The following GPR152 variants were observed in gnomAD, a reference collection of about 807,000 sequenced individuals.
GPR152 encodes the protein probable G protein-coupled receptor 152.
For missense variants in GPR152, 549 were observed against 617.2 expected (o/e 0.89, Z 1.17); for synonymous variants, 278 against 289.0 (o/e 0.96, Z 0.39).
rs1416384347 is a variant in GPR152 at position 67,451,663 on chromosome 11, A to G, written c.1062T>C (p.Pro354=). 6.2e-7 allele frequency: 1 copy of G among 1,613,934 alleles called. No homozygotes were observed. Among genetic ancestry groups the G allele is most frequent in the East Asian group, 2.2e-5 (1 of 44,882 alleles). The change falls in exon 1 of 1, where the codon CCT becomes CCC. Residue 354 remains proline, a synonymous_variant. Coordinates refer to ENST00000312457, the MANE Select transcript of GPR152 (RefSeq NM_206997.1). ...TGGGGTTCACCTGAGGCTGGGCCACAGGATCCATCTGTGACTGGGCCTCTG... is the reference window on the plus strand; with the variant it reads ...TGGGGTTCACCTGAGGCTGGGCCACGGGATCCATCTGTGACTGGGCCTCTG... ...PMAEAQSQMD[P]VAQPQVNPTL... is the part of the protein sequence containing the mutation.
Position 67,452,583 on chromosome 11 carries a change from C to T in GPR152, c.142G>A (p.Gly48Arg). Reference sequence around the variant, plus strand: ...GAGCCGGCCAGCCACGCCATCAACCCATTGGCTGGCAGCCCAAGGAGCAGC... The same window carrying T: ...GAGCCGGCCAGCCACGCCATCAACCTATTGGCTGGCAGCCCAAGGAGCAGC... ...ALLLLGLPAN[G>R]LMAWLAGSQA... Residue 48 changes from glycine to arginine, a missense_variant, in exon 1 of 1, where the codon GGG (glycine) becomes AGG (arginine). Coordinates refer to ENST00000312457, the MANE Select transcript of GPR152 (RefSeq NM_206997.1). 6.2e-7 allele frequency: 1 copy of T among 1,611,672 alleles called. No individual in the cohort carries two copies. The highest frequency in any genetic ancestry group is 8.5e-7 in the Non-Finnish European group (1 of 1,179,158).
At position 67,451,691 on chromosome 11, in the gene GPR152, A is replaced by C. The variant is rs768677510; in HGVS notation, c.1034T>G (p.Met345Arg). Residue 345 changes from methionine (M) to arginine (R), a missense_variant, in exon 1 of 1, where the codon ATG becomes AGG. Coordinates refer to ENST00000312457, the MANE Select transcript of GPR152 (RefSeq NM_206997.1). ...DSEGPTLPEP[M>R]AEAQSQMDPV... ...ATCCATCTGTGACTGGGCCTCTGCC[A>C]TCGGCTCTGGCAGAGTTGGACCCTC... 2 of 1,613,756 alleles carry C rather than the reference A, an allele frequency of 1.2e-6. No homozygotes were observed. Among genetic ancestry groups the C allele is most frequent in the Non-Finnish European group, 1.7e-6 (2 of 1,180,042 alleles).
rs146027753 is a variant in GPR152 at position 67,451,533 on chromosome 11, G to C, written c.1192C>G (p.Pro398Ala). The change falls in exon 1 of 1, where the codon CCA (proline) becomes GCA (alanine). Residue 398 changes from proline (P) to alanine (A), a missense_variant. Coordinates refer to ENST00000312457, the MANE Select transcript of GPR152 (RefSeq NM_206997.1). Reference protein sequence around the residue: ...AQPQLNLMAQPQSDSVAQPQA... With the variant: ...AQPQLNLMAQAQSDSVAQPQA... ...GGCTGGGCCACAGAATCTGACTGTG[G>C]CTGGGCCATGAGGTTCAGCTGTGGC... is the stretch of plus-strand genomic sequence containing the variant. 4.8e-5 allele frequency: 78 copies of C among 1,613,814 alleles called. No individual in the cohort carries two copies. Among genetic ancestry groups the C allele is most frequent in the Non-Finnish European group, 6.4e-5 (75 of 1,179,940 alleles).
In GPR152 at chr11:67,452,275, CCA is replaced by C. The variant is rs1491250739; in HGVS notation, c.448_449del (p.Trp150GlyfsTer179). On this transcript the variant is annotated frameshift_variant, in exon 1 of 1. Transcript: ENST00000312457. LOFTEE classifies it low-confidence loss of function (END_TRUNC). ...PGHRPVRLPLWVCAGVWVLAT... is the reference protein window; with the variant it reads ...PGHRPVRLPLXVCAGVWVLAT... Reference sequence around the variant, plus strand: ...CCAGCACCCAGACACCGGCGCAGACCCAGAGGGGCAGGCGGACTGGGCGGTGC... The same window carrying C: ...CCAGCACCCAGACACCGGCGCAGACCGAGGGGCAGGCGGACTGGGCGGTGC... The C allele has an allele frequency of 6.2e-7, 1 of 1,611,334 alleles. No individual in the cohort carries two copies. Among genetic ancestry groups the C allele is most frequent in the East Asian group, 2.2e-5 (1 of 44,876 alleles).
chr11:67,452,629 G>C lies in GPR152; in HGVS notation c.96C>G (p.Asp32Glu). ...DEDSYPQGGW[D>E]TVFLVALLLL... ...GCAGCAGGGCCACCAGGAAGACCGT[G>C]TCCCAGCCACCTTGGGGGTAGGAGT... The change falls in exon 1 of 1, where the codon GAC becomes GAG. Residue 32 changes from aspartate (D) to glutamate (E), a missense_variant. Asp to Glu is a conservative substitution (Grantham distance 45). Coordinates refer to ENST00000312457, the MANE Select transcript of GPR152 (RefSeq NM_206997.1). 1 of 1,613,704 alleles carries C rather than the reference G, an allele frequency of 6.2e-7. No homozygotes were observed. The highest frequency in any genetic ancestry group is 8.5e-7 in the Non-Finnish European group (1 of 1,179,846).
At position 67,451,783 on chromosome 11, in the gene GPR152, C is replaced by A. The variant is rs540390007; in HGVS notation, c.942G>T (p.Ala314=). ...CCGGCCGCTCCTCGCAGAGAGCTGCCGCGAAGGACGAGAGCACGGAGCGCA... is the reference window on the plus strand; with the variant it reads ...CCGGCCGCTCCTCGCAGAGAGCTGCAGCGAAGGACGAGAGCACGGAGCGCA... The part of the protein sequence containing the change: ...TLLRSVLSSF[A]AALCEERPGS... Residue 314 remains alanine (A), a synonymous_variant, in exon 1 of 1, where the codon GCG becomes GCT. Transcript: ENST00000312457. The A allele has an allele frequency of 6.2e-7, 1 of 1,613,270 alleles. No homozygotes were observed. Among genetic ancestry groups the A allele is most frequent in the Admixed American group, 1.7e-5 (1 of 60,036 alleles).
Position 67,451,513 on chromosome 11 carries a change from G to A in GPR152, c.1212C>T (p.Ala404=). The A allele has an allele frequency of 6.2e-7, 1 of 1,612,646 alleles. No individual in the cohort carries two copies. The highest frequency in any genetic ancestry group is 8.5e-7 in the Non-Finnish European group (1 of 1,178,702). Residue 404 remains alanine (A), a synonymous_variant, in exon 1 of 1, where the codon GCC becomes GCT. Coordinates refer to ENST00000312457, the MANE Select transcript of GPR152 (RefSeq NM_206997.1). The stretch of plus-strand genomic sequence containing the variant: ...GGACGTTAGTGTCTGCCTGTGGCTG[G>A]GCCACAGAATCTGACTGTGGCTGGG... ...LMAQPQSDSV[A]QPQADTNVQT...
chr11:67,451,850 G>T lies in GPR152; in HGVS notation c.875C>A (p.Pro292His). The change falls in exon 1 of 1, where the codon CCC (proline) becomes CAC (histidine). Residue 292 changes from proline to histidine, a missense_variant. Physicochemically the swap from Pro to His is moderately conservative, Grantham distance 77 (BLOSUM62 -2). Transcript: ENST00000312457. ...GGCACTGGCCATGAGGCAGAGGAAGGGGCTGAGGCAGCTGTTGAGTAGGAT... is the reference window on the plus strand; with the variant it reads ...GGCACTGGCCATGAGGCAGAGGAAGTGGCTGAGGCAGCTGTTGAGTAGGAT... Reference protein sequence around the residue: ...YLILLNSCLSPFLCLMASADL... With the variant: ...YLILLNSCLSHFLCLMASADL... 6.2e-7 allele frequency: 1 copy of T among 1,613,108 alleles called. No homozygotes were observed. Among genetic ancestry groups the T allele is most frequent in the Non-Finnish European group, 8.5e-7 (1 of 1,179,980 alleles).
At position 67,452,387 on chromosome 11, in the gene GPR152, A is replaced by G; in HGVS notation, c.338T>C (p.Val113Ala). The G allele has an allele frequency of 1.9e-5, 30 of 1,612,780 alleles. No individual in the cohort carries two copies. The highest frequency in any genetic ancestry group is 2.4e-5 in the Non-Finnish European group (28 of 1,179,896). Residue 113 changes from valine (V) to alanine (A), a missense_variant, in exon 1 of 1, where the codon GTG (valine) becomes GCG (alanine). Transcript: ENST00000312457. The stretch of plus-strand genomic sequence containing the variant: ...CAGGAAGAGGCCGGAGGAGTAGGAC[A>G]CGCCCCATAGGAAGTAGTAGAAGCG... ...ACRFYYFLWGVSYSSGLFLLA... is the reference protein window; with the variant it reads ...ACRFYYFLWGASYSSGLFLLA...
chr11:67,452,124 C>T lies in GPR152; in HGVS notation c.601G>A (p.Gly201Ser). The change falls in exon 1 of 1, where the codon GGC becomes AGC. Residue 201 changes from glycine (G) to serine (S), a missense_variant. Physicochemically the swap from Gly to Ser is moderately conservative, Grantham distance 56. Coordinates refer to ENST00000312457, the MANE Select transcript of GPR152 (RefSeq NM_206997.1). The stretch of plus-strand genomic sequence containing the variant: ...AGCAGCAGGAGGAAAGGCAGGAAGC[C>T]CCCCAGGACCTCCAGCATCCTCAGC... The part of the protein sequence containing the change: ...LSLRMLEVLG[G>S]FLPFLLLLVC... 1 of 1,611,556 alleles carries T rather than the reference C, an allele frequency of 6.2e-7. No individual in the cohort carries two copies. Among genetic ancestry groups the T allele is most frequent in the South Asian group, 1.1e-5 (1 of 90,964 alleles).
rs1480457020 is a variant in GPR152 at position 67,452,126 on chromosome 11, C to T, written c.599G>A (p.Gly200Glu). Reference protein sequence around the residue: ...ELSLRMLEVLGGFLPFLLLLV... With the variant: ...ELSLRMLEVLEGFLPFLLLLV... ...CAGCAGGAGGAAAGGCAGGAAGCCC[C>T]CCAGGACCTCCAGCATCCTCAGCGA... Residue 200 changes from glycine (G) to glutamate (E), a missense_variant, in exon 1 of 1, where the codon GGG (glycine) becomes GAG (glutamate). Physicochemically the swap from Gly to Glu is moderately conservative, Grantham distance 98 (BLOSUM62 -2). Coordinates refer to ENST00000312457, the MANE Select transcript of GPR152 (RefSeq NM_206997.1). 1.2e-6 allele frequency: 2 copies of T among 1,611,512 alleles called. No homozygotes were observed. Among genetic ancestry groups the T allele is most frequent in the Non-Finnish European group, 1.7e-6 (2 of 1,179,896 alleles).
At position 67,452,355 on chromosome 11, in the gene GPR152, C is replaced by G; in HGVS notation, c.370G>C (p.Ala124Pro). 1 of 1,611,816 alleles carries G rather than the reference C, an allele frequency of 6.2e-7. No individual in the cohort carries two copies. The highest frequency in any genetic ancestry group is 8.5e-7 in the Non-Finnish European group (1 of 1,179,578). The change falls in exon 1 of 1, where the codon GCC becomes CCC. Residue 124 changes from alanine (A) to proline (P), a missense_variant. Coordinates refer to ENST00000312457, the MANE Select transcript of GPR152 (RefSeq NM_206997.1). ...SYSSGLFLLA[A>P]LSLDRCLLAL... ...AGCAGGCAGCGGTCGAGGCTGAGGGCGGCCAGCAGGAAGAGGCCGGAGGAG... is the reference window on the plus strand; with the variant it reads ...AGCAGGCAGCGGTCGAGGCTGAGGGGGGCCAGCAGGAAGAGGCCGGAGGAG...
In GPR152 at chr11:67,452,003, G is replaced by T; in HGVS notation, c.722C>A (p.Thr241Asn). ...CAGGACCACATAGGCTGACAGAATG[G>T]TCCTGGCCACACGGGCGAAGCCCCG... ...ACRGFARVAR[T>N]ILSAYVVLRL... Residue 241 changes from threonine (T) to asparagine (N), a missense_variant, in exon 1 of 1, where the codon ACC (threonine) becomes AAC (asparagine). Coordinates refer to ENST00000312457, the MANE Select transcript of GPR152 (RefSeq NM_206997.1). The T allele has an allele frequency of 6.2e-7, 1 of 1,611,968 alleles. No individual in the cohort carries two copies. The highest frequency in any genetic ancestry group is 2.2e-5 in the East Asian group (1 of 44,878).
At position 67,451,466 on chromosome 11, in the gene GPR152, C is replaced by T; in HGVS notation, c.1259G>A (p.Ser420Asn). ...TNVQTPAPAA[S>N]SVPSPCDEAS... ...TTCATCACAGGGACTGGGCACAGAA[C>T]TGGCAGCAGGTGCAGGGGTCTGGAC... is the stretch of plus-strand genomic sequence containing the variant. Residue 420 changes from serine (S) to asparagine (N), a missense_variant, in exon 1 of 1, where the codon AGT becomes AAT. Coordinates refer to ENST00000312457, the MANE Select transcript of GPR152 (RefSeq NM_206997.1). 6.2e-7 allele frequency: 1 copy of T among 1,614,148 alleles called. No homozygotes were observed. Among genetic ancestry groups the T allele is most frequent in the South Asian group, 1.1e-5 (1 of 91,088 alleles).
rs750112029 is a variant in GPR152, at chr11:67,452,399, AAGT to A, written c.323_325del (p.Tyr108del). 3.0e-5 allele frequency: 48 copies of A among 1,612,700 alleles called. No individual in the cohort carries two copies. The highest frequency in any genetic ancestry group is 4.0e-5 in the Non-Finnish European group (47 of 1,179,916). ...GGAGGAGTAGGACACGCCCCATAGGAAGTAGTAGAAGCGGCAGGCAGCTGTCCC... is the reference window on the plus strand; with the variant it reads ...GGAGGAGTAGGACACGCCCCATAGGAAGTAGAAGCGGCAGGCAGCTGTCCC... On this transcript the variant is annotated inframe_deletion, in exon 1 of 1. Transcript: ENST00000312457.
rs755836893 is a variant in GPR152 at position 67,451,762 on chromosome 11, C to A, written c.963G>T (p.Arg321=). Residue 321 remains arginine, a synonymous_variant, in exon 1 of 1, where the codon CGG becomes CGT. Coordinates refer to ENST00000312457, the MANE Select transcript of GPR152 (RefSeq NM_206997.1). ...GCTCAGTGGGCGTGAAGCTGCCCGGCCGCTCCTCGCAGAGAGCTGCCGCGA... is the reference window on the plus strand; with the variant it reads ...GCTCAGTGGGCGTGAAGCTGCCCGGACGCTCCTCGCAGAGAGCTGCCGCGA... The part of the protein sequence containing the change: ...SSFAAALCEE[R]PGSFTPTEPQ... 2 of 1,613,246 alleles carry A rather than the reference C, an allele frequency of 1.2e-6. No individual in the cohort carries two copies. The highest frequency in any genetic ancestry group is 1.7e-6 in the Non-Finnish European group (2 of 1,180,034).
Position 67,452,379 on chromosome 11 carries a change from A to G in GPR152, c.346T>C (p.Ser116Pro), listed in dbSNP as rs745757748. ...GCGGCCAGCAGGAAGAGGCCGGAGGAGTAGGACACGCCCCATAGGAAGTAG... is the reference window on the plus strand; with the variant it reads ...GCGGCCAGCAGGAAGAGGCCGGAGGGGTAGGACACGCCCCATAGGAAGTAG... ...FYYFLWGVSY[S>P]SGLFLLAALS... The change falls in exon 1 of 1, where the codon TCC becomes CCC. Residue 116 changes from serine (S) to proline (P), a missense_variant. Physicochemically the swap from Ser to Pro is moderately conservative, Grantham distance 74 (BLOSUM62 -1). Coordinates refer to ENST00000312457, the MANE Select transcript of GPR152 (RefSeq NM_206997.1). 4 of 1,612,670 alleles carry G rather than the reference A, an allele frequency of 2.5e-6. No individual in the cohort carries two copies. Among genetic ancestry groups the G allele is most frequent in the Non-Finnish European group, 3.4e-6 (4 of 1,179,846 alleles).
In GPR152 at chr11:67,452,134, C is replaced by T; in HGVS notation, c.591G>A (p.Glu197=). The stretch of plus-strand genomic sequence containing the variant: ...GGAAAGGCAGGAAGCCCCCCAGGAC[C>T]TCCAGCATCCTCAGCGACAGCTCCT... ...DSEELSLRML[E]VLGGFLPFLL... The change falls in exon 1 of 1, where the codon GAG becomes GAA. Residue 197 remains glutamate (E), a synonymous_variant. Coordinates refer to ENST00000312457, the MANE Select transcript of GPR152 (RefSeq NM_206997.1). 5.0e-6 allele frequency: 8 copies of T among 1,611,228 alleles called. No homozygotes were observed. The highest frequency in any genetic ancestry group is 6.8e-6 in the Non-Finnish European group (8 of 1,179,894).
rs775789023 is a variant in GPR152 at position 67,451,840 on chromosome 11, G to A, written c.885C>T (p.Cys295=). ...LLNSCLSPFL[C]LMASADLRTL... ...TCCGGAGGTCGGCACTGGCCATGAGGCAGAGGAAGGGGCTGAGGCAGCTGT... is the reference window on the plus strand; with the variant it reads ...TCCGGAGGTCGGCACTGGCCATGAGACAGAGGAAGGGGCTGAGGCAGCTGT... The change falls in exon 1 of 1, where the codon TGC becomes TGT. Residue 295 remains cysteine (C), a synonymous_variant. Coordinates refer to ENST00000312457, the MANE Select transcript of GPR152 (RefSeq NM_206997.1). 1 of 1,613,206 alleles carries A rather than the reference G, an allele frequency of 6.2e-7. No individual in the cohort carries two copies. Among genetic ancestry groups the A allele is most frequent in the Non-Finnish European group, 8.5e-7 (1 of 1,179,992 alleles).
Sources: gnomAD v4.1 joint callset for allele counts on GRCh38, gnomAD v4.1.1 for gene constraint, MANE v1.5 for transcripts, NCBI Gene and HGNC (gene_info 2026-07-23, HGNC 2026-07-21) for gene names.